The following SETX variants were observed in gnomAD, a reference collection of about 807,000 sequenced individuals.
The protein encoded by SETX is senataxin, also known as helicase senataxin.
A neutral mutation model predicts 227.2 loss-of-function variants in SETX; 90 were observed. The ratio of observed to expected loss-of-function variants is 0.40; its 90% CI spans 0.33 to 0.47. SETX has a LOEUF of 0.47. Among genes scored for constraint, SETX ranks in the 20% least tolerant of loss-of-function variants. The probability of loss-of-function intolerance (pLI) is 0.91; values close to 1 mark genes in which losing one functional copy is unlikely to be tolerated. For synonymous variants in SETX, 1,210 were observed against 1,113.2 expected, an observed-to-expected ratio of 1.09 and a Z score of -1.73; for missense variants, 3,052 against 3,181.5, an observed-to-expected ratio of 0.96 and a Z score of 0.98.
At position 132,326,634 on chromosome 9, in the gene SETX, G is replaced by A. The variant is rs1189378413; in HGVS notation, c.4964C>T (p.Ser1655Leu). ...AGACTGAGGATGAAGAACATTGCAC[G>A]AATTCTTCATTTCACCAACTGGCTT... is the stretch of plus-strand genomic sequence containing the variant. ...AQKPVGEMKN[S>L]CNVLHPQSPN... Residue 1655 changes from serine to leucine, a missense_variant, in exon 10 of 26, where the codon TCG becomes TTG. Ser to Leu is a moderately radical substitution (Grantham distance 145). Coordinates refer to ENST00000224140, the MANE Select transcript of SETX (RefSeq NM_015046.7). 1.2e-6 allele frequency: 2 copies of A among 1,612,978 alleles called. No individual in the cohort carries two copies. Among genetic ancestry groups the A allele is most frequent in the Non-Finnish European group, 8.5e-7 (1 of 1,179,266 alleles).
chr9:132,266,820 A>G (rs748824557), intron 25 of SETX, among the ~76,000 whole-genome samples: 63 of 152,218 alleles, frequency 4.1e-4, no homozygotes, highest in Non-Finnish European at 7.2e-4. Flanking sequence ...AAAGGGTTCT[A>G]AGAAATCCTG....
chr9:132,308,379 T>C (rs1589694786), intron 11 of SETX, among the ~76,000 whole-genome samples: 1 of 151,272 alleles, frequency 6.6e-6, no homozygotes, highest in Admixed American at 6.6e-5. Context: ...GGATGCAATA[T>C]CAGCAAAATC....
At chr9:132,289,133 T>C (rs1357245854) in intron 15 of SETX, among the ~76,000 whole-genome samples, 1 of 152,142 alleles carries the variant, frequency 6.6e-6, no homozygotes, top group East Asian at 1.9e-4. Flanking sequence ...AGCCTTCTAA[T>C]TGCCATCATG....
intron 10 of SETX, among the ~76,000 whole-genome samples, chr9:132,313,686 AT>A (rs1845800479): frequency 6.6e-6 from 1 of 152,206 alleles, no homozygotes; most frequent in African/African-American, 2.4e-5. Flanking sequence ...ACTAAATGAA[AT>A]AACTTCAAAG....
At chr9:132,325,032 G>C (rs1846618531) in intron 10 of SETX, among the ~76,000 whole-genome samples, 1 of 152,176 alleles carries the variant, frequency 6.6e-6, no homozygotes, top group Non-Finnish European at 1.5e-5. Context: ...GGGTTGGGGA[G>C]GCTGTTACAC....
intron 18 of SETX, among the ~76,000 whole-genome samples, chr9:132,285,869 ACT>A (rs71376634): frequency 0.12 from 15,370 of 130,104 alleles, 897 homozygotes; most frequent in Middle Eastern, 0.15. Context: ...ACAGAGTGAG[ACT>A]CTGTCTCAAA....
At chr9:132,265,382 C>G (rs577332410) in intron 25 of SETX, among the ~76,000 whole-genome samples, 4 of 151,848 alleles carry the variant, frequency 2.6e-5, no homozygotes, top group Non-Finnish European at 5.9e-5. Context: ...CCCGCCACCA[C>G]GCCCGGCTAA....
chr9:132,331,958 T>C (rs1291123110), intron 7 of SETX, among the ~76,000 whole-genome samples: 1 of 152,228 alleles, frequency 6.6e-6, no homozygotes, highest in Non-Finnish European at 1.5e-5. Context: ...GTGTCACGCA[T>C]CTAGTGTAAA....
In SETX at chr9:132,329,473, T is replaced by C. The variant is rs750530263; in HGVS notation, c.2125A>G (p.Thr709Ala). The C allele has an allele frequency of 5.6e-6, 9 of 1,612,514 alleles. No homozygotes were observed. Among genetic ancestry groups the C allele is most frequent in the African/African-American group, 1.3e-5 (1 of 74,824 alleles). ...TCTTTTACAGACTTCTGCTTCCTTG[T>C]ACTTATTTTAATTTGATCTTCAGCT... ...ERAEDQIKIS[T>A]RKQKSVKEIS... The change falls in exon 10 of 26, where the codon ACA (threonine) becomes GCA (alanine). Residue 709 changes from threonine (T) to alanine (A), a missense_variant. Coordinates refer to ENST00000224140, the MANE Select transcript of SETX (RefSeq NM_015046.7).
chr9:132,288,184 C>A, intron 17 of SETX, 52 bp downstream of exon 17: 1 of 1,443,064 alleles, frequency 6.9e-7, no homozygotes, highest in Non-Finnish European at 9.7e-7. Flanking sequence ...TCAAAAAAAA[C>A]TTGTTAACTA....
intron 5 of SETX, 106 bp downstream of exon 5, chr9:132,342,584 T>A: frequency 3.2e-6 from 3 of 925,206 alleles, no homozygotes; most frequent in Non-Finnish European, 5.4e-6. Context: ...GCAAGAAAAA[T>A]TTTAGCAAAC....
intron 11 of SETX, among the ~76,000 whole-genome samples, chr9:132,307,163 G>C (rs999880044): frequency 6.6e-6 from 1 of 152,148 alleles, no homozygotes; most frequent in Non-Finnish European, 1.5e-5. Flanking sequence ...GCTGAGGCAG[G>C]AGAATTGCTT....
chr9:132,264,582 T>A lies in SETX; in HGVS notation c.7691A>T (p.Gln2564Leu), dbSNP rs1425506389. 2 of 1,614,178 alleles carry A rather than the reference T, an allele frequency of 1.2e-6. No homozygotes were observed. The highest frequency in any genetic ancestry group is 3.3e-4 in the Middle Eastern group (2 of 6,062). Residue 2564 changes from glutamine to leucine, a missense_variant, in exon 26 of 26, where the codon CAG (glutamine) becomes CTG (leucine). Physicochemically the swap from Gln to Leu is moderately radical, Grantham distance 113. Coordinates refer to ENST00000224140, the MANE Select transcript of SETX (RefSeq NM_015046.7). ...FLWDPQPSSP[Q>L]HPGATPPTGE... is the part of the protein sequence containing the mutation. ...CGTAGGAGGTGTTGCTCCAGGATGC[T>A]GGGGGCTCGAGGGTTGTGGATCCCA...
At chr9:132,308,221 T>C (rs949982575) in intron 11 of SETX, among the ~76,000 whole-genome samples, 2 of 152,238 alleles carry the variant, frequency 1.3e-5, no homozygotes, top group Admixed American at 1.3e-4. Flanking sequence ...TACCTGCTGC[T>C]GCTGATGGAA....
intron 5 of SETX, 27 bp downstream of exon 5, chr9:132,342,663 C>T (rs944848571): frequency 6.9e-7 from 1 of 1,443,958 alleles, no homozygotes; most frequent in Non-Finnish European, 9.8e-7. Flanking sequence ...ACAATATACC[C>T]TTCTATCGCC....
chr9:132,317,634 T>C (rs1413220886), intron 10 of SETX, among the ~76,000 whole-genome samples: 1 of 148,970 alleles, frequency 6.7e-6, no homozygotes, highest in East Asian at 1.9e-4. Flanking sequence ...TCATTTTCCT[T>C]TTTTTTTTTA....
At chr9:132,301,545 T>C (rs1273075378) in intron 11 of SETX, among the ~76,000 whole-genome samples, 1 of 152,208 alleles carries the variant, frequency 6.6e-6, no homozygotes, top group Non-Finnish European at 1.5e-5. Flanking sequence ...GATTATAATA[T>C]ATTTTTACTG....
chr9:132,313,929 G>T (rs949662979), intron 10 of SETX, among the ~76,000 whole-genome samples: 43 of 98,364 alleles, frequency 4.4e-4, no homozygotes, highest in African/African-American at 3.0e-3. Context: ...CAAGTTTTTT[G>T]GTTTTTTTTT....
intron 11 of SETX, among the ~76,000 whole-genome samples, chr9:132,311,481 C>G (rs773709238): frequency 1.4e-4 from 21 of 152,068 alleles, no homozygotes; most frequent in Non-Finnish European, 2.5e-4. Context: ...AACACCCCCA[C>G]CAAATCCCTC....
Sources: allele counts gnomAD v4.1 joint callset (sites outside exome capture counted in the v4.1 genomes callset), GRCh38; gene constraint gnomAD v4.1.1; transcripts MANE v1.5; gene names NCBI Gene and HGNC (gene_info 2026-07-23, HGNC 2026-07-21).